ADGRV1: variants seen among roughly 807,000 people sequenced by gnomAD.
The protein encoded by ADGRV1 is adhesion G protein-coupled receptor V1.
ADGRV1 carries 359 observed loss-of-function variants against 596.2 expected under a neutral mutation model. That is an observed-to-expected ratio of 0.60 (90% CI 0.55 to 0.66). The LOEUF (loss-of-function observed/expected upper bound fraction) is 0.66. ADGRV1 is among the 30% of genes least tolerant of loss of function. The pLI is 0.00. For synonymous variants in ADGRV1, 2,681 were observed against 2,679.2 expected (o/e 1.00, Z -0.02); for missense variants, 7,274 against 7,575.6 (o/e 0.96, Z 1.48).
In ADGRV1 at chr5:90,823,602, A is replaced by G. The variant is rs1763805570; in HGVS notation, c.16368+6A>G. 6.2e-7 allele frequency: 1 copy of G among 1,611,498 alleles called. No homozygotes were observed. Among genetic ancestry groups the G allele is most frequent in the Non-Finnish European group, 8.5e-7 (1 of 1,177,886 alleles). On this transcript the variant is annotated splice_donor_region_variant and intron_variant, in intron 76 of 89. Coordinates refer to ENST00000405460, the MANE Select transcript of ADGRV1 (RefSeq NM_032119.4). ...TTGAACTCAAACCAGAAAAGGTAAGAAATGAAGAGACACACTAGTGTCAAC... is the reference window on the plus strand; with the variant it reads ...TTGAACTCAAACCAGAAAAGGTAAGGAATGAAGAGACACACTAGTGTCAAC...
At chr5:90,816,116 G>T (rs896733433) in intron 75 of ADGRV1, among the ~76,000 whole-genome samples, 1 of 152,164 alleles carries the variant, frequency 6.6e-6, no homozygotes, top group East Asian at 1.9e-4. Flanking sequence ...TCACATACAC[G>T]TGCTTGGTAT....
intron 1 of ADGRV1, among the ~76,000 whole-genome samples, chr5:90,585,394 G>A (rs1333917677): frequency 1.3e-5 from 2 of 152,140 alleles, no homozygotes; most frequent in East Asian, 3.9e-4. Flanking sequence ...AAAACCCCTT[G>A]GAGAGTATGA....
At chr5:90,680,891 C>T (rs1429972206) in intron 26 of ADGRV1, among the ~76,000 whole-genome samples, 1 of 152,122 alleles carries the variant, frequency 6.6e-6, no homozygotes, top group African/African-American at 2.4e-5. Flanking sequence ...AGGATTCATG[C>T]ACGTTGGAAA....
intron 49 of ADGRV1, 94 bp downstream of exon 49, chr5:90,729,027 T>G (rs879827072): frequency 2.4e-6 from 2 of 837,648 alleles, no homozygotes; most frequent in Non-Finnish European, 1.8e-6. Flanking sequence ...CTTGCAATAA[T>G]TTTTTACTAA....
chr5:90,791,436 T>G (rs556254734), intron 70 of ADGRV1, 90 bp downstream of exon 70: 1 of 979,274 alleles, frequency 1.0e-6, no homozygotes, highest in South Asian at 1.8e-5. Flanking sequence ...TGAAATCTTA[T>G]TCAGGTATTT....
At chr5:90,623,655 C>G (rs1373205620) in intron 5 of ADGRV1, among the ~76,000 whole-genome samples, 2 of 152,100 alleles carry the variant, frequency 1.3e-5, no homozygotes, top group Admixed American at 1.3e-4. Context: ...ACAAATGATC[C>G]TCCCTCTTCA....
intron 45 of ADGRV1, among the ~76,000 whole-genome samples, 164 bp from the exon 46 acceptor site, chr5:90,724,663 GTTATT>G (rs1374581613): frequency 1.3e-5 from 2 of 152,108 alleles, no homozygotes; most frequent in Non-Finnish European, 2.9e-5. Context: ...ATTATTTGTA[GTTATT>G]TTAAAGTTTT....
intron 82 of ADGRV1, among the ~76,000 whole-genome samples, chr5:90,863,152 A>C (rs555020542): frequency 1.1e-4 from 17 of 152,358 alleles, no homozygotes; most frequent in African/African-American, 3.6e-4. Flanking sequence ...AAATATTTTT[A>C]AAACACATGT....
At chr5:91,075,925 T>G (rs565389728) in intron 86 of ADGRV1, among the ~76,000 whole-genome samples, 2 of 152,134 alleles carry the variant, frequency 1.3e-5, no homozygotes, top group Non-Finnish European at 2.9e-5. Flanking sequence ...CTATTTACTT[T>G]TTCCTAAATT....
rs746118976 is a variant in ADGRV1 at position 90,674,076 on chromosome 5, A to G, written c.4952A>G (p.Asp1651Gly). 11 of 1,611,890 alleles carry G rather than the reference A, an allele frequency of 6.8e-6. No homozygotes were observed. In the South Asian group the frequency reaches 1.1e-4, roughly 16 times the overall value. ...RSEVLNIYVL[D>G]DDIPELNEYF... ...TAGGTTCTGAATATATATGTTCTTG[A>G]TGATGATATTCCTGAACTTAATGAG... The change falls in exon 23 of 90, where the codon GAT (aspartate) becomes GGT (glycine). Residue 1651 changes from aspartate to glycine, a missense_variant. Coordinates refer to ENST00000405460, the MANE Select transcript of ADGRV1 (RefSeq NM_032119.4).
intron 29 of ADGRV1, 41 bp from the exon 30 acceptor site, chr5:90,689,820 A>G: frequency 4.3e-6 from 6 of 1,391,110 alleles, no homozygotes; most frequent in Non-Finnish European, 4.0e-6. Context: ...TGTTTTGATC[A>G]TATTTTAGAA....
At chr5:90,825,287 A>G (rs996377655) in intron 76 of ADGRV1, among the ~76,000 whole-genome samples, 1 of 152,130 alleles carries the variant, frequency 6.6e-6, no homozygotes, top group Non-Finnish European at 1.5e-5. Flanking sequence ...CACTTTCTCC[A>G]TGATGCCTCC....
chr5:90,955,312 T>C (rs533854629), intron 83 of ADGRV1, among the ~76,000 whole-genome samples: 1 of 152,208 alleles, frequency 6.6e-6, no homozygotes, highest in African/African-American at 2.4e-5. Context: ...AATATTTTTC[T>C]TGCTTTCTGT....
chr5:90,768,756 T>C (rs374724075), intron 59 of ADGRV1, among the ~76,000 whole-genome samples: 35 of 152,282 alleles, frequency 2.3e-4, no homozygotes, highest in African/African-American at 8.4e-4. Context: ...AACTGATGAA[T>C]GGTCTATAGG....
At chr5:90,770,327 C>T (rs567383587) in intron 59 of ADGRV1, among the ~76,000 whole-genome samples, 13 of 152,236 alleles carry the variant, frequency 8.5e-5, no homozygotes, top group East Asian at 3.9e-4. Context: ...CAACACCTCC[C>T]GCCAGGTCCC....
At chr5:90,790,794 G>T in intron 69 of ADGRV1, 79 bp from the exon 70 acceptor site, 1 of 895,766 alleles carries the variant, frequency 1.1e-6, no homozygotes, top group Non-Finnish European at 1.7e-6. Flanking sequence ...GTATATTATA[G>T]AGAAAAACAT....
chr5:90,938,975 G>T (rs28597697), intron 83 of ADGRV1, among the ~76,000 whole-genome samples: 25,407 of 152,020 alleles, frequency 0.17, 2,608 homozygotes, highest in African/African-American at 0.3. Context: ...CTCTATTTTC[G>T]ATAGTAAATC....
chr5:90,977,836 A>G (rs551575738), intron 84 of ADGRV1, among the ~76,000 whole-genome samples: 1 of 152,326 alleles, frequency 6.6e-6, no homozygotes, highest in Non-Finnish European at 1.5e-5. Flanking sequence ...CATTTAACAC[A>G]GAATCAGTTT....
intron 86 of ADGRV1, among the ~76,000 whole-genome samples, chr5:91,094,112 A>G (rs1790636966): frequency 6.6e-6 from 1 of 151,930 alleles, no homozygotes; most frequent in Non-Finnish European, 1.5e-5. Flanking sequence ...TCCACCTCCC[A>G]AAGTGCTGGG....
Sources: allele counts gnomAD v4.1 joint callset (sites outside exome capture counted in the v4.1 genomes callset), GRCh38; gene constraint gnomAD v4.1.1; transcripts MANE v1.5; gene names NCBI Gene and HGNC (gene_info 2026-07-23, HGNC 2026-07-21).